The following PKD2 variants were observed in gnomAD, a reference collection of about 807,000 sequenced individuals.
The protein encoded by PKD2 is polycystin 2, transient receptor potential cation channel.
PKD2 carries 48 observed loss-of-function variants against 105.9 expected under a neutral mutation model. The observed-to-expected ratio is 0.45, with a 90% CI of 0.36 to 0.58. The LOEUF is 0.58. PKD2 is among the 20% of genes least tolerant of loss of function. The pLI, the probability that PKD2 is intolerant of heterozygous loss-of-function variation, is 0.00. For synonymous variants in PKD2, 464 were observed against 481.1 expected, an observed-to-expected ratio of 0.96 and a Z score of 0.46; for missense variants, 1,078 against 1,255.3, an observed-to-expected ratio of 0.86 and a Z score of 2.13.
intron 7 of PKD2, among the ~76,000 whole-genome samples, chr4:88,055,444 C>T (rs1396057850): frequency 6.6e-6 from 1 of 152,118 alleles, no homozygotes; most frequent in Non-Finnish European, 1.5e-5. Flanking sequence ...TCAAGCAACC[C>T]TCCCACCTCA....
At chr4:88,026,019 T>C (rs1726946900) in intron 2 of PKD2, among the ~76,000 whole-genome samples, 1 of 152,138 alleles carries the variant, frequency 6.6e-6, no homozygotes, top group Admixed American at 6.5e-5. Flanking sequence ...TTTATAGAAG[T>C]GTGAAAATGG....
At chr4:88,064,021 G>T (rs1560625254) in intron 10 of PKD2, among the ~76,000 whole-genome samples, 1 of 152,120 alleles carries the variant, frequency 6.6e-6, no homozygotes, top group Non-Finnish European at 1.5e-5. Flanking sequence ...CAGACATGAT[G>T]GTGCACACCT....
chr4:88,070,574 TTA>T (rs57470805), intron 13 of PKD2, among the ~76,000 whole-genome samples: 6,778 of 113,352 alleles, frequency 0.06, 498 homozygotes, highest in African/African-American at 0.17. Context: ...TTTATTTATT[TTA>T]TATATATATA....
chr4:88,039,370 T>C (rs532338037), intron 4 of PKD2, among the ~76,000 whole-genome samples: 1 of 152,228 alleles, frequency 6.6e-6, no homozygotes, highest in South Asian at 2.1e-4. Context: ...GAAACAAATT[T>C]AGTAAAAATC....
At chr4:88,068,669 T>C (rs935186138) in intron 13 of PKD2, among the ~76,000 whole-genome samples, 18 of 152,260 alleles carry the variant, frequency 1.2e-4, no homozygotes, top group African/African-American at 4.3e-4. Context: ...GCCTAACATA[T>C]GGTTCGTCCT....
At chr4:88,053,462 G>A (rs1720190613) in intron 7 of PKD2, among the ~76,000 whole-genome samples, 1 of 152,086 alleles carries the variant, frequency 6.6e-6, no homozygotes, top group Non-Finnish European at 1.5e-5. Context: ...TCTGATACCA[G>A]CCTGGGCAAC....
chr4:88,040,891 A>T (rs1252186288), intron 4 of PKD2, among the ~76,000 whole-genome samples: 1 of 151,856 alleles, frequency 6.6e-6, no homozygotes, highest in African/African-American at 2.4e-5. Flanking sequence ...TGACATCTTT[A>T]TTTGGTGACT....
In PKD2 at chr4:88,029,221, C is replaced by G. The variant is rs534073247; in HGVS notation, c.710-6999C>G. ...TAACTCCCTCTCTTCCTGTGTTCCT[C>G]CTTGCTGTGTTCACTTGCTTCGCTT... On this transcript the variant is annotated intron_variant, in intron 2 of 14. Transcript: ENST00000237596. Among the ~76,000 whole-genome samples, 8 of 152,300 alleles carry G rather than the reference C, an allele frequency of 5.3e-5. No homozygotes were observed. In the South Asian group the frequency reaches 1.4e-3, roughly 28 times the overall value.
At chr4:88,057,895 A>G in intron 8 of PKD2, 88 bp from the exon 9 acceptor site, 1 of 1,094,162 alleles carries the variant, frequency 9.1e-7, no homozygotes, top group Non-Finnish European at 1.4e-6. Context: ...AAAGGTCCAA[A>G]AATAATGAAA....
intron 13 of PKD2, among the ~76,000 whole-genome samples, chr4:88,068,339 G>A (rs1040861799): frequency 3.3e-5 from 5 of 151,896 alleles, no homozygotes; most frequent in Non-Finnish European, 7.4e-5. Flanking sequence ...GCATGGTGGT[G>A]GGCACCTGTA....
chr4:88,009,529 A>C (rs56342253), intron 1 of PKD2, among the ~76,000 whole-genome samples: 4,103 of 151,868 alleles, frequency 0.027, 67 homozygotes, highest in South Asian at 0.047. Flanking sequence ...AACGCTTAGG[A>C]CTTGACTCTT....
chr4:88,012,182 T>G (rs2110083481), intron 1 of PKD2, among the ~76,000 whole-genome samples: 2 of 152,292 alleles, frequency 1.3e-5, no homozygotes, highest in African/African-American at 4.8e-5. Context: ...TGTGTTAAAC[T>G]CCTTATATTC....
intron 6 of PKD2, among the ~76,000 whole-genome samples, chr4:88,049,518 A>T (rs1727896521): frequency 6.6e-6 from 1 of 152,178 alleles, no homozygotes; most frequent in Admixed American, 6.5e-5. Context: ...AACAATTCAG[A>T]CAGTGTGCTT....
At position 88,065,879 on chromosome 4, in the gene PKD2, G is replaced by A. The variant is rs1375334614; in HGVS notation, c.2358G>A (p.Arg786=). The part of the protein sequence containing the change: ...QQMRDDLEKE[R]EDLDLDHSSL... ...TGAGAGACGACTTGGAGAAAGAGAGGGTGGGTCTGGTTTAGGAGAACCGGA... is the reference window on the plus strand; with the variant it reads ...TGAGAGACGACTTGGAGAAAGAGAGAGTGGGTCTGGTTTAGGAGAACCGGA... Residue 786 remains arginine (R), a splice_region_variant and synonymous_variant, in exon 12 of 15, where the codon AGG becomes AGA. Coordinates refer to ENST00000237596, the MANE Select transcript of PKD2 (RefSeq NM_000297.4). 6.4e-7 allele frequency: 1 copy of A among 1,566,340 alleles called. No homozygotes were observed. The highest frequency in any genetic ancestry group is 8.8e-7 in the Non-Finnish European group (1 of 1,136,532).
intron 2 of PKD2, among the ~76,000 whole-genome samples, chr4:88,027,830 G>GA (rs1300775654): frequency 1.3e-5 from 2 of 151,272 alleles, no homozygotes; most frequent in Non-Finnish European, 3.0e-5. Context: ...TAAGTGTCTG[G>GA]GCTTCCCCCT....
chr4:88,020,026 G>T (rs988842746), intron 2 of PKD2, among the ~76,000 whole-genome samples: 3 of 152,146 alleles, frequency 2.0e-5, no homozygotes, highest in Non-Finnish European at 4.4e-5. Flanking sequence ...TGACCAGCCA[G>T]TTCATCGTCA....
At chr4:88,036,847 C>T (rs1354108310) in intron 3 of PKD2, among the ~76,000 whole-genome samples, 1 of 152,160 alleles carries the variant, frequency 6.6e-6, no homozygotes, top group Non-Finnish European at 1.5e-5. Flanking sequence ...TCTTGCTTCG[C>T]CTTTTGTGTT....
chr4:88,065,665 G>A (rs1355710681), intron 11 of PKD2, 97 bp from the exon 12 acceptor site: 47 of 1,194,294 alleles, frequency 3.9e-5, no homozygotes, highest in Admixed American at 6.7e-5. Context: ...CCCCCATTTG[G>A]TGATTTCTCC....
intron 7 of PKD2, among the ~76,000 whole-genome samples, chr4:88,053,894 A>T (rs1720210988): frequency 6.6e-6 from 1 of 152,152 alleles, no homozygotes; most frequent in Non-Finnish European, 1.5e-5. Flanking sequence ...GGAACACTTA[A>T]CATGTGGCTA....
Sources: gnomAD v4.1 joint callset for allele counts (sites outside exome capture counted in the v4.1 genomes callset) on GRCh38, gnomAD v4.1.1 for gene constraint, MANE v1.5 for transcripts, NCBI Gene and HGNC (gene_info 2026-07-23, HGNC 2026-07-21) for gene names.